The following SLC26A7 variants were observed in gnomAD, a reference collection of about 807,000 sequenced individuals.
SLC26A7 encodes anion exchange transporter.
Under a neutral mutation model 82.5 loss-of-function variants are expected in SLC26A7, and 59 were observed. The ratio of observed to expected loss-of-function variants is 0.72; its 90% CI spans 0.58 to 0.89. The LOEUF (loss-of-function observed/expected upper bound fraction) is 0.89. SLC26A7 is among the 40% of genes least tolerant of loss of function. The probability of loss-of-function intolerance (pLI) is 0.00; values close to 1 mark genes in which losing one functional copy is unlikely to be tolerated. For synonymous variants in SLC26A7, 271 were observed against 274.3 expected, an observed-to-expected ratio of 0.99 and a Z score of 0.12; for missense variants, 820 against 793.0, an observed-to-expected ratio of 1.03 and a Z score of -0.41.
Position 91,224,590 on chromosome 8 carries a change from C to A in SLC26A7, c.-34+5585C>A, listed in dbSNP as rs186901933. Among the ~76,000 whole-genome samples the A allele has an allele frequency of 7.9e-5, 12 of 152,246 alleles. No individual in the cohort carries two copies. The East Asian group carries it at 2.3e-3, about 29-fold the overall frequency. On this transcript the variant is annotated intron_variant, in intron 2 of 5. Coordinates refer to the SLC26A7 transcript ENST00000522862. Reference sequence around the variant, plus strand: ...TTCTGGGACCTCTGACCTTGAGAGGCCCCAACCCCTGATGCCAGTAGGATT... The same window carrying A: ...TTCTGGGACCTCTGACCTTGAGAGGACCCAACCCCTGATGCCAGTAGGATT...
At chr8:91,341,684 T>A (rs938383336) in intron 8 of SLC26A7, among the ~76,000 whole-genome samples, 1 of 152,194 alleles carries the variant, frequency 6.6e-6, no homozygotes, top group Non-Finnish European at 1.5e-5. Flanking sequence ...ACTTCCCAGT[T>A]GCTTCTGGTC....
At chr8:91,341,726 A>C (rs987559927) in intron 8 of SLC26A7, among the ~76,000 whole-genome samples, 3 of 152,158 alleles carry the variant, frequency 2.0e-5, no homozygotes, top group Non-Finnish European at 4.4e-5. Flanking sequence ...CTCATGGCTT[A>C]TAAGGCTCTA....
chr8:91,211,684 C>T (rs1809927875), intron 1 of SLC26A7, among the ~76,000 whole-genome samples: 1 of 147,400 alleles, frequency 6.8e-6, no homozygotes, highest in Admixed American at 6.8e-5. Flanking sequence ...TGTTAATTAT[C>T]TCTTCAGAAA....
At chr8:91,255,912 A>C (rs1301385499) in intron 2 of SLC26A7, among the ~76,000 whole-genome samples, 1 of 152,150 alleles carries the variant, frequency 6.6e-6, no homozygotes, top group Non-Finnish European at 1.5e-5. Flanking sequence ...TCAGGATGAG[A>C]TACGTGGTCT....
intron 13 of SLC26A7, among the ~76,000 whole-genome samples, chr8:91,363,938 A>AT (rs1814118619): frequency 1.5e-5 from 2 of 131,066 alleles, no homozygotes; most frequent in African/African-American, 3.2e-5. Context: ...GGTTCATGGT[A>AT]TTGTTTTTTT....
At chr8:91,334,895 C>A (rs1813198193) in intron 6 of SLC26A7, among the ~76,000 whole-genome samples, 1 of 151,920 alleles carries the variant, frequency 6.6e-6, no homozygotes, top group South Asian at 2.1e-4. Flanking sequence ...TGTTACTTAC[C>A]TAATTTTGCT....
chr8:91,239,979 C>A (rs1165151124), intron 2 of SLC26A7, among the ~76,000 whole-genome samples: 1 of 152,178 alleles, frequency 6.6e-6, no homozygotes, highest in Non-Finnish European at 1.5e-5. Flanking sequence ...ATTATCTTAG[C>A]AACTAATGAA....
Position 91,209,964 on chromosome 8 carries a change from G to T in SLC26A7, c.-150+422G>T, listed in dbSNP as rs1259647700. Among the ~76,000 whole-genome samples the T allele has an allele frequency of 2.0e-5, 3 of 152,144 alleles. No individual in the cohort carries two copies. The East Asian group carries it at 5.8e-4, about 29-fold the overall frequency. On this transcript the variant is annotated intron_variant, in intron 1 of 5. Transcript: ENST00000522862. ...CTATGCTAAGCTCTCTGGATCCAAAGATGAATAAGATGCAGTTCATGCTAT... is the reference window on the plus strand; with the variant it reads ...CTATGCTAAGCTCTCTGGATCCAAATATGAATAAGATGCAGTTCATGCTAT...
At position 91,334,421 on chromosome 8, in the gene SLC26A7, GT is replaced by G; in HGVS notation, c.771del (p.Val258PhefsTer4). The G allele has an allele frequency of 6.2e-7, 1 of 1,612,556 alleles. No individual in the cohort carries two copies. Among genetic ancestry groups the G allele is most frequent in the Non-Finnish European group, 8.5e-7 (1 of 1,179,310 alleles). ...LNEQFKRKIK[V>X]VLPVDLVLII... ...TGAACAGTTTAAAAGGAAAATTAAA[GT>G]TGTTCTTCCTGTAGATTTAGTTTTG... On this transcript the variant is annotated frameshift_variant, in exon 6 of 19. Transcript: ENST00000276609. LOFTEE classifies it high-confidence loss of function.
chr8:91,387,768 C>T (rs530653716), intron 15 of SLC26A7, among the ~76,000 whole-genome samples: 1 of 152,244 alleles, frequency 6.6e-6, no homozygotes, highest in South Asian at 2.1e-4. Flanking sequence ...CCATTGCTAT[C>T]CTTGACACTC....
intron 4 of SLC26A7, among the ~76,000 whole-genome samples, chr8:91,302,566 G>A (rs944149359): frequency 1.3e-5 from 2 of 152,074 alleles, no homozygotes; most frequent in South Asian, 2.1e-4. Flanking sequence ...CAGCATTATT[G>A]AGGTATAATT....
chr8:91,286,143 C>G (rs968073255), intron 2 of SLC26A7, among the ~76,000 whole-genome samples: 2 of 152,160 alleles, frequency 1.3e-5, no homozygotes, highest in South Asian at 4.1e-4. Flanking sequence ...CTTTCATGGC[C>G]CTTCTTGGTC....
At chr8:91,264,865 C>T (rs1356601821) in intron 2 of SLC26A7, among the ~76,000 whole-genome samples, 1 of 151,978 alleles carries the variant, frequency 6.6e-6, no homozygotes, top group Non-Finnish European at 1.5e-5. Flanking sequence ...ATGTCTATCA[C>T]TTCAGATCTT....
chr8:91,331,204 T>C (rs984438645), intron 5 of SLC26A7, among the ~76,000 whole-genome samples: 2 of 152,130 alleles, frequency 1.3e-5, no homozygotes, highest in Non-Finnish European at 2.9e-5. Context: ...GACTTCAACA[T>C]ATGAACTCAG....
At position 91,299,405 on chromosome 8, in the gene SLC26A7, A is replaced by G. The variant is rs901616166; in HGVS notation, c.477+3702A>G. ...GAGGAAGTCACCATATTTTTTTTCT[A>G]GACTTCCATGATTTATTTTTTTTCT... is the stretch of plus-strand genomic sequence containing the variant. On this transcript the variant is annotated intron_variant, in intron 4 of 18. Coordinates refer to ENST00000276609, the MANE Select transcript of SLC26A7 (RefSeq NM_052832.4). Among the ~76,000 whole-genome samples the G allele has an allele frequency of 2.1e-5, 3 of 145,852 alleles. No individual in the cohort carries two copies. In the East Asian group the frequency reaches 5.8e-4, roughly 28 times the overall value.
chr8:91,368,576 G>A (rs940351206), intron 14 of SLC26A7, among the ~76,000 whole-genome samples: 12 of 151,370 alleles, frequency 7.9e-5, no homozygotes, highest in Middle Eastern at 3.2e-3. Context: ...CCGCCACCAC[G>A]CCTGGCTAAT....
chr8:91,382,667 A>G (rs913724265), intron 15 of SLC26A7, among the ~76,000 whole-genome samples: 1 of 152,154 alleles, frequency 6.6e-6, no homozygotes, highest in African/African-American at 2.4e-5. Flanking sequence ...ACATGCTTTA[A>G]TCAATCACAT....
At chr8:91,238,718 A>G (rs897818332) in intron 2 of SLC26A7, among the ~76,000 whole-genome samples, 1 of 151,956 alleles carries the variant, frequency 6.6e-6, no homozygotes, top group African/African-American at 2.4e-5. Flanking sequence ...ATCTTGAAGT[A>G]TATCTCTCCC....
chr8:91,295,880 A>G (rs1364002170), intron 4 of SLC26A7, among the ~76,000 whole-genome samples, 177 bp downstream of exon 4: 1 of 152,234 alleles, frequency 6.6e-6, no homozygotes, highest in African/African-American at 2.4e-5. Context: ...TGCTGGTTGA[A>G]TGAATGAACT....
Sources: gnomAD v4.1 joint callset for allele counts (sites outside exome capture counted in the v4.1 genomes callset) on GRCh38, gnomAD v4.1.1 for gene constraint, MANE v1.5 for transcripts, NCBI Gene and HGNC (gene_info 2026-07-23, HGNC 2026-07-21) for gene names.